Variants in ZBTB20 observed in about 807,000 individuals in gnomAD.
ZBTB20 encodes the protein zinc finger and BTB domain-containing protein 20.
Under a neutral mutation model 56.9 loss-of-function variants are expected in ZBTB20, and 9 were observed. The observed-to-expected ratio is 0.16, with a 90% CI of 0.10 to 0.28. The LOEUF (loss-of-function observed/expected upper bound fraction) is 0.28. ZBTB20 is among the 10% of genes least tolerant of loss of function. ZBTB20 has a pLI of 1.00. For missense variants in ZBTB20, 655 were observed against 1,003.0 expected, an observed-to-expected ratio of 0.65 and a Z score of 4.69; for synonymous variants, 417 against 420.7, an observed-to-expected ratio of 0.99 and a Z score of 0.11.
intron 6 of ZBTB20, among the ~76,000 whole-genome samples, chr3:114,570,272 T>C (rs2053272520): frequency 6.6e-6 from 1 of 151,896 alleles, no homozygotes; most frequent in Non-Finnish European, 1.5e-5. Context: ...GGATTTTGGG[T>C]TCATATCCCT....
intron 4 of ZBTB20, among the ~76,000 whole-genome samples, chr3:114,894,098 G>A (rs1417249145): frequency 2.9e-5 from 3 of 104,166 alleles, no homozygotes; most frequent in South Asian, 4.0e-4. Flanking sequence ...TTTTGACTGA[G>A]TTTTTATCAG....
intron 6 of ZBTB20, among the ~76,000 whole-genome samples, chr3:114,691,836 G>GT (rs952788058): frequency 6.6e-6 from 1 of 151,926 alleles, no homozygotes; most frequent in Non-Finnish European, 1.5e-5. Context: ...ACTCCTATGT[G>GT]TTTTTCTAAA....
At chr3:114,630,095 A>C (rs1409284235) in intron 6 of ZBTB20, among the ~76,000 whole-genome samples, 3 of 152,180 alleles carry the variant, frequency 2.0e-5, no homozygotes, top group Non-Finnish European at 1.5e-5. Context: ...AGCTGTGTTC[A>C]TGCCACTGCA....
chr3:114,663,376 C>T (rs1293212872), intron 6 of ZBTB20, among the ~76,000 whole-genome samples: 1 of 150,236 alleles, frequency 6.7e-6, no homozygotes, highest in Non-Finnish European at 1.5e-5. Context: ...CCTAAAAGAG[C>T]TCCTGAAGGA....
At chr3:114,681,940 A>G (rs1247411795) in intron 6 of ZBTB20, among the ~76,000 whole-genome samples, 1 of 152,238 alleles carries the variant, frequency 6.6e-6, no homozygotes, top group East Asian at 1.9e-4. Context: ...CAAAGTTCTA[A>G]GCACATGGCA....
At chr3:114,992,866 G>T (rs1309393117) in intron 2 of ZBTB20, among the ~76,000 whole-genome samples, 4 of 151,820 alleles carry the variant, frequency 2.6e-5, no homozygotes, top group African/African-American at 7.2e-5. Context: ...CATTATTTGG[G>T]ACAGAAAACT....
At chr3:114,809,848 T>C (rs2072388638) in intron 4 of ZBTB20, among the ~76,000 whole-genome samples, 4 of 152,342 alleles carry the variant, frequency 2.6e-5, no homozygotes, top group Admixed American at 2.6e-4. Context: ...TTGAGGGTTG[T>C]TGCTGTTATT....
chr3:114,372,716 A>C (rs1459099060), intron 10 of ZBTB20, among the ~76,000 whole-genome samples: 2 of 151,930 alleles, frequency 1.3e-5, no homozygotes, highest in Admixed American at 6.6e-5. Flanking sequence ...GTGGTGGCAC[A>C]AGTCTATGTT....
intron 6 of ZBTB20, among the ~76,000 whole-genome samples, chr3:114,520,876 T>C (rs192121225): frequency 6.6e-6 from 1 of 152,286 alleles, no homozygotes; most frequent in Non-Finnish European, 1.5e-5. Context: ...ATATTAATAG[T>C]ATTACCATTC....
intron 6 of ZBTB20, among the ~76,000 whole-genome samples, chr3:114,680,044 C>T (rs533646333): frequency 6.6e-6 from 1 of 152,238 alleles, no homozygotes; most frequent in African/African-American, 2.4e-5. Context: ...AACAGAAAAC[C>T]AAACACCACA....
chr3:115,068,681 AG>A (rs2108503272), intron 2 of ZBTB20, among the ~76,000 whole-genome samples: 1 of 152,266 alleles, frequency 6.6e-6, no homozygotes, highest in African/African-American at 2.4e-5. Context: ...TTTCCATTAT[AG>A]GCCCCGAAAG....
chr3:114,934,458 G>C (rs1383794412), intron 3 of ZBTB20, among the ~76,000 whole-genome samples: 1 of 151,962 alleles, frequency 6.6e-6, no homozygotes, highest in African/African-American at 2.4e-5. Flanking sequence ...TCAGGTATTT[G>C]CCTTATATAT....
intron 6 of ZBTB20, among the ~76,000 whole-genome samples, chr3:114,609,685 T>C (rs1465911685): frequency 3.9e-5 from 6 of 152,098 alleles, no homozygotes; most frequent in Non-Finnish European, 5.9e-5. Flanking sequence ...GCACAATAAT[T>C]TTTTCCTGCT....
chr3:114,357,773 G>C (rs2081403469), intron 10 of ZBTB20, among the ~76,000 whole-genome samples: 1 of 152,112 alleles, frequency 6.6e-6, no homozygotes, highest in South Asian at 2.1e-4. Context: ...CTTTGTGATT[G>C]CATTACTCTG....
intron 6 of ZBTB20, among the ~76,000 whole-genome samples, chr3:114,583,082 A>G (rs1332691286): frequency 6.6e-6 from 1 of 152,210 alleles, no homozygotes; most frequent in Non-Finnish European, 1.5e-5. Context: ...CAGTACTGCT[A>G]TTGGCTGGCG....
intron 6 of ZBTB20, among the ~76,000 whole-genome samples, chr3:114,510,640 G>A (rs1439771751): frequency 6.6e-6 from 1 of 152,120 alleles, no homozygotes; most frequent in Admixed American, 6.6e-5. Context: ...CAAAACAGCA[G>A]TGTGATCCTA....
chr3:114,677,405 C>A (rs2061690190), intron 6 of ZBTB20, among the ~76,000 whole-genome samples: 1 of 152,174 alleles, frequency 6.6e-6, no homozygotes. Context: ...GCATTACTGC[C>A]TGAGCTCTGC....
At chr3:114,672,241 TA>T (rs1288224702) in intron 6 of ZBTB20, among the ~76,000 whole-genome samples, 1 of 151,906 alleles carries the variant, frequency 6.6e-6, no homozygotes, top group Non-Finnish European at 1.5e-5. Context: ...ATGCTTCAAA[TA>T]AAAAACGTAA....
chr3:114,406,320 C>A (rs1267662721), intron 7 of ZBTB20, among the ~76,000 whole-genome samples: 2 of 152,112 alleles, frequency 1.3e-5, no homozygotes, highest in East Asian at 3.9e-4. Context: ...GAAAGAGTTA[C>A]TAAAATTAAG....
Sources: allele counts gnomAD v4.1 joint callset (sites outside exome capture counted in the v4.1 genomes callset), GRCh38; gene constraint gnomAD v4.1.1; transcripts MANE v1.5; gene names NCBI Gene and HGNC (gene_info 2026-07-23, HGNC 2026-07-21).